The following SLC2A13 variants were observed in gnomAD, a reference collection of about 807,000 sequenced individuals.
SLC2A13 encodes the protein proton myo-inositol cotransporter.
In SLC2A13, 32 loss-of-function variants were observed where a neutral mutation model predicts 64.4. The ratio of observed to expected loss-of-function variants is 0.50; its 90% CI spans 0.37 to 0.67. The LOEUF (loss-of-function observed/expected upper bound fraction) is 0.67, where lower values mean the gene tolerates loss of function less well. Ranked by LOEUF, SLC2A13 falls within the 30% of genes least tolerant of loss-of-function variation. SLC2A13 has a pLI of 0.00. For synonymous variants in SLC2A13, 338 were observed against 327.1 expected, an observed-to-expected ratio of 1.03 and a Z score of -0.36; for missense variants, 743 against 829.2, an observed-to-expected ratio of 0.90 and a Z score of 1.28.
intron 4 of SLC2A13, among the ~76,000 whole-genome samples, chr12:39,896,083 C>T (rs570739420): frequency 2.1e-5 from 3 of 145,084 alleles, no homozygotes; most frequent in South Asian, 2.1e-4. Flanking sequence ...TACACGTGTA[C>T]ATATATGTAT....
chr12:39,813,231 G>T (rs1347191097), intron 7 of SLC2A13, among the ~76,000 whole-genome samples: 2 of 151,412 alleles, frequency 1.3e-5, no homozygotes, highest in African/African-American at 4.9e-5. Flanking sequence ...TATTCTGTTT[G>T]TTTCTTAGCT....
intron 1 of SLC2A13, among the ~76,000 whole-genome samples, chr12:40,056,143 T>C (rs1043696550): frequency 1.2e-4 from 18 of 151,970 alleles, no homozygotes; most frequent in African/African-American, 4.1e-4. Context: ...ATATAACTTA[T>C]GTAACCATTC....
At chr12:40,080,554 CTATT>C (rs1042874790) in intron 1 of SLC2A13, among the ~76,000 whole-genome samples, 2 of 152,106 alleles carry the variant, frequency 1.3e-5, no homozygotes, top group African/African-American at 4.8e-5. Flanking sequence ...CTATGCCTGG[CTATT>C]TTTTTGTATT....
chr12:40,078,431 G>A (rs1325109822), intron 1 of SLC2A13, among the ~76,000 whole-genome samples: 1 of 151,762 alleles, frequency 6.6e-6, no homozygotes, highest in African/African-American at 2.4e-5. Context: ...AGTTTTATGT[G>A]ATAAATCACA....
intron 3 of SLC2A13, among the ~76,000 whole-genome samples, chr12:39,988,697 GGAAGGAAGGAAGGAAGGA>G (rs1565578549): frequency 8.5e-5 from 4 of 46,914 alleles, no homozygotes; most frequent in South Asian, 8.8e-4. Context: ...GAGGGAGGAA[GGAAGGAAGGAAGGAAGGA>G]AGGAAGGAAG....
At chr12:39,765,074 C>T (rs997881463) in intron 7 of SLC2A13, among the ~76,000 whole-genome samples, 7 of 151,864 alleles carry the variant, frequency 4.6e-5, no homozygotes, top group African/African-American at 1.5e-4. Context: ...ACAAAGACAC[C>T]GTGTTTTATA....
At chr12:39,950,873 T>G (rs1028937431) in intron 4 of SLC2A13, 5 of 228,310 alleles carry the variant, frequency 2.2e-5, no homozygotes, top group African/African-American at 6.8e-5. Flanking sequence ...CAAAAAGAAA[T>G]GAATTAGTTA....
At chr12:39,929,999 T>C (rs575187485) in intron 4 of SLC2A13, among the ~76,000 whole-genome samples, 3 of 151,562 alleles carry the variant, frequency 2.0e-5, no homozygotes, top group Non-Finnish European at 4.4e-5. Context: ...GGCATGGTGG[T>C]GCATGCCTGT....
chr12:40,063,531 T>C (rs1246951488), intron 1 of SLC2A13, among the ~76,000 whole-genome samples: 2 of 151,092 alleles, frequency 1.3e-5, no homozygotes. Context: ...ACAGCAGCTG[T>C]GAAAGCAGTT....
chr12:39,762,905 A>AT (rs1192875397), intron 9 of SLC2A13, among the ~76,000 whole-genome samples: 6 of 103,702 alleles, frequency 5.8e-5, no homozygotes, highest in African/African-American at 2.3e-4. Flanking sequence ...TTTAAATTTC[A>AT]TTACTGTTGC....
At chr12:40,022,340 G>C (rs946836082) in intron 3 of SLC2A13, among the ~76,000 whole-genome samples, 1 of 152,178 alleles carries the variant, frequency 6.6e-6, no homozygotes, top group Non-Finnish European at 1.5e-5. Flanking sequence ...CCCTACTACA[G>C]TGACTAGCAA....
At chr12:39,793,334 G>T (rs754862438) in intron 7 of SLC2A13, among the ~76,000 whole-genome samples, 1 of 152,066 alleles carries the variant, frequency 6.6e-6, no homozygotes, top group African/African-American at 2.4e-5. Flanking sequence ...AAATATTAAA[G>T]ACTAAATAAA....
At chr12:40,038,280 C>T (rs1948022852) in intron 2 of SLC2A13, among the ~76,000 whole-genome samples, 5 of 152,172 alleles carry the variant, frequency 3.3e-5, no homozygotes, top group Admixed American at 1.3e-4. Flanking sequence ...CTTTAATTTA[C>T]AAAGATTTGC....
intron 6 of SLC2A13, among the ~76,000 whole-genome samples, chr12:39,863,343 C>T (rs1489140658): frequency 6.6e-6 from 1 of 152,030 alleles, no homozygotes; most frequent in African/African-American, 2.4e-5. Context: ...TTATGTAAAT[C>T]ACTAAAAACT....
chr12:39,853,250 C>A (rs1943515928), intron 6 of SLC2A13, among the ~76,000 whole-genome samples: 1 of 152,108 alleles, frequency 6.6e-6, no homozygotes, highest in Admixed American at 6.6e-5. Context: ...GGCTTGATAT[C>A]CTTTGTGGAA....
chr12:39,759,929 G>T lies in SLC2A13; in HGVS notation c.*97C>A. On this transcript the variant is annotated 3_prime_UTR_variant, in exon 10 of 10. Transcript: ENST00000280871. ...ATGAAGTCAATCAAAACTAGGCTGT[G>T]GAAAGAACCAGATTAGAAGCAGGGC... The T allele has an allele frequency of 1.2e-6, 1 of 862,290 alleles. No individual in the cohort carries two copies. The highest frequency in any genetic ancestry group is 1.8e-6 in the Non-Finnish European group (1 of 544,614). The allele number at this position is 862,290 out of a possible 1,614,324, so 53.4% of individuals were successfully genotyped here.
In SLC2A13 at chr12:39,995,408, T is replaced by C. The variant is rs557430289; in HGVS notation, c.925+32893A>G. On this transcript the variant is annotated intron_variant, in intron 3 of 9. Transcript: ENST00000280871. ...TCCTTCCACCTCTTCTCATTTCCCC[T>C]CCCCGCTACCCTTCCCATCCTCCAG... Among the ~76,000 whole-genome samples, 1,356 of 152,058 alleles carry C rather than the reference T, an allele frequency of 8.9e-3. 15 individuals are homozygous for C. Among genetic ancestry groups the C allele is most frequent in the African/African-American group, 0.031 (1,272 of 41,394 alleles).
At chr12:40,061,139 T>C (rs747006035) in intron 1 of SLC2A13, among the ~76,000 whole-genome samples, 45 of 151,700 alleles carry the variant, frequency 3.0e-4, no homozygotes, top group Non-Finnish European at 4.7e-4. Flanking sequence ...AAAATATATA[T>C]ACACACACAA....
chr12:40,004,324 A>G (rs1224339021), intron 3 of SLC2A13, among the ~76,000 whole-genome samples: 1 of 152,016 alleles, frequency 6.6e-6, no homozygotes, highest in Admixed American at 6.5e-5. Flanking sequence ...AGCTGCGATT[A>G]CAGGAATGTG....
Sources: allele counts gnomAD v4.1 joint callset (sites outside exome capture counted in the v4.1 genomes callset), GRCh38; gene constraint gnomAD v4.1.1; transcripts MANE v1.5; gene names NCBI Gene and HGNC (gene_info 2026-07-23, HGNC 2026-07-21).